The following ASTN2 variants were observed in gnomAD, a reference collection of about 807,000 sequenced individuals.
ASTN2 encodes the protein astrotactin 2.
ASTN2 carries 54 observed loss-of-function variants against 139.8 expected under a neutral mutation model. That is an observed-to-expected ratio of 0.39 (90% CI 0.31 to 0.48). The LOEUF is 0.48. Ranked by LOEUF, ASTN2 falls within the 20% of genes least tolerant of loss-of-function variation. The pLI is 0.95. For synonymous variants in ASTN2, 756 were observed against 719.5 expected (o/e 1.05, Z -0.81); for missense variants, 1,565 against 1,725.1 (o/e 0.91, Z 1.64).
At chr9:116,755,733 G>A (rs1455131525) in intron 13 of ASTN2, among the ~76,000 whole-genome samples, 1 of 152,216 alleles carries the variant, frequency 6.6e-6, no homozygotes, top group African/African-American at 2.4e-5. Context: ...TTAAATCAAA[G>A]GTTTAAAAAT....
chr9:116,498,173 A>C (rs1274793095), intron 19 of ASTN2, among the ~76,000 whole-genome samples: 2 of 152,234 alleles, frequency 1.3e-5, no homozygotes, highest in Non-Finnish European at 2.9e-5. Flanking sequence ...CTACCCAGCA[A>C]AGCTAGAACT....
At position 116,618,477 on chromosome 9, in the gene ASTN2, AG is replaced by A; in HGVS notation, c.3207-6del. 6.2e-7 allele frequency: 1 copy of A among 1,602,284 alleles called. No individual in the cohort carries two copies. Among genetic ancestry groups the A allele is most frequent in the East Asian group, 2.2e-5 (1 of 44,562 alleles). The stretch of plus-strand genomic sequence containing the variant: ...ACTGTTGGGGACAGCCGCAGCCTAC[AG>A]GGAATAAAAAGGAAGATTCGTGTTT... On this transcript the variant is annotated splice_polypyrimidine_tract_variant and splice_region_variant and intron_variant, in intron 18 of 22. Transcript: ENST00000313400.
At chr9:116,962,684 A>T (rs1018167637) in intron 10 of ASTN2, among the ~76,000 whole-genome samples, 13 of 152,224 alleles carry the variant, frequency 8.5e-5, no homozygotes, top group Non-Finnish European at 1.6e-4. Context: ...TAAATTATGG[A>T]ATCCTCCTTT....
rs866595673 is a variant in ASTN2, at chr9:116,790,994, A to G, written c.2396+14638T>C. Among the ~76,000 whole-genome samples the G allele has an allele frequency of 1.4e-4, 16 of 112,750 alleles. No homozygotes were observed. The East Asian group carries it at 1.8e-3, about 12-fold the overall frequency. The allele number at this position is 112,750 out of a possible 152,430, so 74.0% of individuals were successfully genotyped here. On this transcript the variant is annotated intron_variant, in intron 13 of 22. Coordinates refer to ENST00000313400, the MANE Select transcript of ASTN2 (RefSeq NM_001365068.1). ...AAGAAAGAAAGAAAGAAAGAAAGAA[A>G]GAAAGAAAGAAAGAAAGAAAGAAAG... is the stretch of plus-strand genomic sequence containing the variant.
Position 116,699,344 on chromosome 9 carries a change from C to T in ASTN2, c.2806+26427G>A. On this transcript the variant is annotated intron_variant, in intron 16 of 22. Transcript: ENST00000313400. The surrounding 1 kb of genome is among the most constrained non-coding windows in gnomAD (Gnocchi z 4.2). ...CCGTCTACTTCACCCAGGGCTTAGG[C>T]CTCAATCTGGAGAATCGGCAGAATG... 1 of 1,614,190 alleles carries T rather than the reference C, an allele frequency of 6.2e-7. No homozygotes were observed. The highest frequency in any genetic ancestry group is 8.5e-7 in the Non-Finnish European group (1 of 1,180,040).
At chr9:117,209,298 C>A (rs1445612686) in intron 3 of ASTN2, among the ~76,000 whole-genome samples, 1 of 152,012 alleles carries the variant, frequency 6.6e-6, no homozygotes, top group African/African-American at 2.4e-5. Flanking sequence ...TATATACTGC[C>A]TATTAGGAAA....
At chr9:117,158,901 A>G (rs776950700) in intron 3 of ASTN2, among the ~76,000 whole-genome samples, 2 of 151,910 alleles carry the variant, frequency 1.3e-5, no homozygotes, top group Non-Finnish European at 2.9e-5. Context: ...ACTCACTCTG[A>G]TCTTCACTGC....
intron 20 of ASTN2, among the ~76,000 whole-genome samples, chr9:116,442,996 C>G (rs1847883372): frequency 6.6e-6 from 1 of 151,994 alleles, no homozygotes; most frequent in African/African-American, 2.4e-5. Context: ...GTGCTAAGGT[C>G]ATAAAGATGA....
At chr9:116,625,320 G>C (rs1035963477) in intron 17 of ASTN2, among the ~76,000 whole-genome samples, 2 of 152,144 alleles carry the variant, frequency 1.3e-5, no homozygotes, top group African/African-American at 4.8e-5. Flanking sequence ...TGTAATCACA[G>C]TTACTCGGGA....
chr9:116,855,931 C>A (rs1354538609), intron 11 of ASTN2, among the ~76,000 whole-genome samples: 1 of 152,058 alleles, frequency 6.6e-6, no homozygotes, highest in Non-Finnish European at 1.5e-5. Flanking sequence ...AGCATTTATT[C>A]ATTTATTTTT....
At chr9:117,167,900 G>C (rs935819595) in intron 3 of ASTN2, among the ~76,000 whole-genome samples, 2 of 152,072 alleles carry the variant, frequency 1.3e-5, no homozygotes, top group East Asian at 1.9e-4. Context: ...TTTAGCCTAA[G>C]AGCAATGTTT....
chr9:116,798,435 T>C (rs546973640), intron 13 of ASTN2, among the ~76,000 whole-genome samples: 1 of 152,302 alleles, frequency 6.6e-6, no homozygotes, highest in African/African-American at 2.4e-5. Context: ...AGGAGAGTGC[T>C]GGGAGCCTTG....
chr9:117,114,602 T>C (rs982800075), intron 4 of ASTN2, among the ~76,000 whole-genome samples: 1 of 152,136 alleles, frequency 6.6e-6, no homozygotes, highest in African/African-American at 2.4e-5. Flanking sequence ...TGTTTTGTTT[T>C]TTAATTCTGT....
At chr9:116,760,104 C>A (rs1325502065) in intron 13 of ASTN2, among the ~76,000 whole-genome samples, 2 of 152,178 alleles carry the variant, frequency 1.3e-5, no homozygotes, top group Non-Finnish European at 1.5e-5. Flanking sequence ...TCATTATTAT[C>A]ATTGCAAAGC....
chr9:116,906,097 A>T lies in ASTN2; in HGVS notation c.1890-42364T>A, dbSNP rs1057231942. On this transcript the variant is annotated intron_variant, in intron 10 of 22. Transcript: ENST00000313400. Reference sequence around the variant, plus strand: ...GAGAGACCTCCTGTGCCTCACGCTCAGTGCTTGGGGCTCGAGATGACCAGG... The same window carrying T: ...GAGAGACCTCCTGTGCCTCACGCTCTGTGCTTGGGGCTCGAGATGACCAGG... 5.9e-5 allele frequency among the ~76,000 whole-genome samples: 9 copies of T among 152,242 alleles called. No individual in the cohort carries two copies. In the South Asian group the frequency reaches 1.7e-3, roughly 28 times the overall value.
chr9:117,363,222 C>T (rs1297582975), intron 1 of ASTN2, among the ~76,000 whole-genome samples: 2 of 152,134 alleles, frequency 1.3e-5, no homozygotes, highest in Non-Finnish European at 2.9e-5. Flanking sequence ...TCCATGTGTA[C>T]GTTCATTCAT....
chr9:116,855,331 G>GGAGCTACTCCTGATTGAC (rs1832712438), intron 11 of ASTN2, among the ~76,000 whole-genome samples: 1 of 152,196 alleles, frequency 6.6e-6, no homozygotes, highest in African/African-American at 2.4e-5. Flanking sequence ...TCCTGATTGA[G>GGAGCTACTCCTGATTGAC]GAGCTACTCC....
intron 16 of ASTN2, among the ~76,000 whole-genome samples, chr9:116,653,651 C>T (rs1407866650): frequency 2.6e-5 from 4 of 152,212 alleles, no homozygotes; most frequent in Non-Finnish European, 5.9e-5. Flanking sequence ...AGGGGCCCTG[C>T]GCCCTGATGT....
chr9:116,534,083 GT>G (rs1468202845), intron 19 of ASTN2, among the ~76,000 whole-genome samples: 2 of 152,160 alleles, frequency 1.3e-5, no homozygotes, highest in South Asian at 2.1e-4. Context: ...TCCTGGTTTA[GT>G]CTTGGGAGGG....
Sources: gnomAD v4.1 joint callset for allele counts (sites outside exome capture counted in the v4.1 genomes callset) on GRCh38, gnomAD v4.1.1 for gene constraint, Gnocchi (gnomAD v3.1) non-coding constraint, MANE v1.5 for transcripts, NCBI Gene and HGNC (gene_info 2026-07-23, HGNC 2026-07-21) for gene names.